Variants in WDFY4 observed in about 807,000 individuals in gnomAD.
The protein encoded by WDFY4 is WD repeat- and FYVE domain-containing protein 4.
WDFY4 carries 169 observed loss-of-function variants against 351.9 expected under a neutral mutation model. That is an observed-to-expected ratio of 0.48 (90% CI 0.42 to 0.55). The LOEUF is 0.55. WDFY4 is among the 20% of genes least tolerant of loss of function. The pLI is 0.00. For synonymous variants in WDFY4, 1,622 were observed against 1,574.6 expected, an observed-to-expected ratio of 1.03 and a Z score of -0.71; for missense variants, 3,803 against 3,935.6, an observed-to-expected ratio of 0.97 and a Z score of 0.90.
At chr10:48,695,736 T>C (rs1488538660) in intron 1 of WDFY4, among the ~76,000 whole-genome samples, 1 of 152,100 alleles carries the variant, frequency 6.6e-6, no homozygotes, top group Non-Finnish European at 1.5e-5. Flanking sequence ...TCTTGTAACC[T>C]GTGCTGTCTC....
intron 5 of WDFY4, among the ~76,000 whole-genome samples, chr10:48,725,353 C>CG (rs1397131150): frequency 1.3e-5 from 2 of 152,004 alleles, no homozygotes; most frequent in Non-Finnish European, 2.9e-5. Flanking sequence ...GGCCATGCTA[C>CG]GGTGGTGGGA....
At chr10:48,722,920 C>CTTG (rs1565129677) in intron 4 of WDFY4, among the ~76,000 whole-genome samples, 1 of 152,168 alleles carries the variant, frequency 6.6e-6, no homozygotes, top group Non-Finnish European at 1.5e-5. Context: ...TCACCTATTG[C>CTTG]ACTCTTTGGA....
Position 48,963,915 on chromosome 10 carries a change from G to A in WDFY4, c.8297G>A (p.Gly2766Glu), listed in dbSNP as rs1277070072. 1 of 1,551,380 alleles carries A rather than the reference G, an allele frequency of 6.4e-7. No individual in the cohort carries two copies. Among genetic ancestry groups the A allele is most frequent in the African/African-American group, 1.4e-5 (1 of 72,980 alleles). ...CTTATTTTTGGGTACAAGCAGCAGG[G>A]GCCAGCCGCAGTGGATGCTGTTAAT... ...IDLIFGYKQQ[G>E]PAAVDAVNIF... The change falls in exon 54 of 62, where the codon GGG (glycine) becomes GAG (glutamate). Residue 2766 changes from glycine to glutamate, a missense_variant. Physicochemically the swap from Gly to Glu is moderately conservative, Grantham distance 98. Coordinates refer to ENST00000325239, the MANE Select transcript of WDFY4 (RefSeq NM_001394531.1).
chr10:48,735,153 T>C (rs938339460), intron 10 of WDFY4, among the ~76,000 whole-genome samples: 5 of 152,220 alleles, frequency 3.3e-5, no homozygotes, highest in East Asian at 1.9e-4. Context: ...TAGCCCATAA[T>C]TGGAAAAATC....
intron 30 of WDFY4, among the ~76,000 whole-genome samples, chr10:48,813,351 C>T (rs2067521229): frequency 6.6e-6 from 1 of 152,180 alleles, no homozygotes; most frequent in Admixed American, 6.5e-5. Context: ...CATTGATACC[C>T]TGAGTTTTTA....
At chr10:48,726,920 C>T (rs1000733601) in intron 6 of WDFY4, among the ~76,000 whole-genome samples, 7 of 152,198 alleles carry the variant, frequency 4.6e-5, no homozygotes, top group Non-Finnish European at 7.3e-5. Context: ...CCCCTGGCTC[C>T]GCACCACTCT....
rs1235745335 is a variant in WDFY4 at position 48,943,012 on chromosome 10, C to CT, written c.7630-317dup. 4.6e-5 allele frequency among the ~76,000 whole-genome samples: 7 copies of CT among 152,200 alleles called. No individual in the cohort carries two copies. In the East Asian group the frequency reaches 1.3e-3, roughly 29 times the overall value. On this transcript the variant is annotated intron_variant, in intron 48 of 61. Coordinates refer to ENST00000325239, the MANE Select transcript of WDFY4 (RefSeq NM_001394531.1). ...AGTCAGTTCACCCACAGCATTTGTG[C>CT]TATGATTTTAGTCAACTTCTGAGAA...
intron 49 of WDFY4, among the ~76,000 whole-genome samples, chr10:48,944,295 G>A (rs1840933609): frequency 1.3e-5 from 2 of 152,242 alleles, no homozygotes; most frequent in Admixed American, 1.3e-4. Context: ...TGTAGTGACA[G>A]GGGAGGTTGA....
rs1347861913 is a variant in WDFY4 at position 48,900,252 on chromosome 10, G to A, written c.7469G>A (p.Gly2490Glu). 6.4e-7 allele frequency: 1 copy of A among 1,551,636 alleles called. No individual in the cohort carries two copies. The highest frequency in any genetic ancestry group is 2.0e-5 in the Admixed American group (1 of 50,988). ...GCCCTGGAGATCTTCTTCCACAATGGATATTCCAAGTTTCTTGTCTTCTAC... is the reference window on the plus strand; with the variant it reads ...GCCCTGGAGATCTTCTTCCACAATGAATATTCCAAGTTTCTTGTCTTCTAC... ...DIALEIFFHN[G>E]YSKFLVFYNN... Residue 2490 changes from glycine to glutamate, a missense_variant, in exon 46 of 62, where the codon GGA becomes GAA. By Grantham distance (98) the Gly-to-Glu change is moderately conservative. Coordinates refer to ENST00000325239, the MANE Select transcript of WDFY4 (RefSeq NM_001394531.1).
In WDFY4 at chr10:48,955,575, TTGCCCCAGTTC is replaced by T. The variant is rs538818547; in HGVS notation, c.7978-1549_7978-1539del. Among the ~76,000 whole-genome samples the T allele has an allele frequency of 3.5e-3, 530 of 152,304 alleles. 3 individuals are homozygous for T. Among genetic ancestry groups the T allele is most frequent in the African/African-American group, 0.012 (517 of 41,526 alleles). ...GCCCTGTGGAGTTGCATCCATGGGT[TTGCCCCAGTTC>T]TGCCATTCACTGCCTTGGGAAAAAT... On this transcript the variant is annotated intron_variant, in intron 51 of 61. Coordinates refer to ENST00000325239, the MANE Select transcript of WDFY4 (RefSeq NM_001394531.1).
intron 1 of WDFY4, among the ~76,000 whole-genome samples, chr10:48,693,465 C>T (rs2063249558): frequency 6.6e-6 from 1 of 152,184 alleles, no homozygotes; most frequent in South Asian, 2.1e-4. Flanking sequence ...AGATGCCATC[C>T]TCCCACCTCC....
chr10:48,977,008 A>G (rs1842597009), intron 59 of WDFY4, 29 bp downstream of exon 59: 3 of 1,328,576 alleles, frequency 2.3e-6, no homozygotes, highest in Non-Finnish European at 2.9e-6. Flanking sequence ...GAATGAGGAC[A>G]TGACACAAGA....
chr10:48,949,836 G>A (rs1024056078), intron 51 of WDFY4, among the ~76,000 whole-genome samples: 1 of 152,152 alleles, frequency 6.6e-6, no homozygotes, highest in African/African-American at 2.4e-5. Context: ...AGGGCTGCGT[G>A]TCTGACTTTG....
intron 6 of WDFY4, among the ~76,000 whole-genome samples, chr10:48,726,493 C>T (rs1327168316): frequency 4.6e-5 from 7 of 152,208 alleles, no homozygotes; most frequent in African/African-American, 1.7e-4. Context: ...AGAGAATGCA[C>T]TTTCAAACTT....
At chr10:48,782,241 C>T (rs1198377284) in intron 19 of WDFY4, among the ~76,000 whole-genome samples, 7 of 152,182 alleles carry the variant, frequency 4.6e-5, no homozygotes. Flanking sequence ...TGTTTAGGCT[C>T]AATTACTGAG....
Position 48,937,083 on chromosome 10 carries a change from G to A in WDFY4, c.7587-4723G>A, listed in dbSNP as rs182382504. Among the ~76,000 whole-genome samples, 5 of 151,986 alleles carry A rather than the reference G, an allele frequency of 3.3e-5. No homozygotes were observed. In the East Asian group the frequency reaches 5.9e-4, roughly 18 times the overall value. On this transcript the variant is annotated intron_variant, in intron 47 of 61. Transcript: ENST00000325239. ...TAATTTTTGTATTTTTAGTAGAGAC[G>A]AGGTTTTTCCATGTTGGCTAGGCTG...
At position 48,731,471 on chromosome 10, in the gene WDFY4, C is replaced by A. The variant is rs1187027035; in HGVS notation, c.1491C>A (p.Asp497Glu). The A allele has an allele frequency of 3.2e-6, 5 of 1,551,564 alleles. No individual in the cohort carries two copies. In the Admixed American group the frequency reaches 7.8e-5, roughly 24 times the overall value. Residue 497 changes from aspartate (D) to glutamate (E), a missense_variant, in exon 9 of 62, where the codon GAC (aspartate) becomes GAA (glutamate). By Grantham distance (45) the Asp-to-Glu change is conservative. Coordinates refer to ENST00000325239, the MANE Select transcript of WDFY4 (RefSeq NM_001394531.1). ...LQSILSIAGG[D>E]PLFTDIFRDS... The stretch of plus-strand genomic sequence containing the variant: ...GCATCCTCAGCATCGCTGGTGGGGA[C>A]CCCCTCTTCACCGACATCTTCCGGG...
intron 12 of WDFY4, among the ~76,000 whole-genome samples, chr10:48,759,612 A>C (rs1325089755): frequency 6.6e-6 from 1 of 152,158 alleles, no homozygotes; most frequent in Admixed American, 6.5e-5. Context: ...GGGGAAACCA[A>C]ACAAAGAAAA....
intron 47 of WDFY4, chr10:48,913,771 C>T (rs760645390): frequency 2.5e-6 from 4 of 1,614,062 alleles, no homozygotes; most frequent in Admixed American, 1.7e-5. Flanking sequence ...TGGTTCAAGC[C>T]TAGGTTCACA....
Sources: gnomAD v4.1 joint callset for allele counts (sites outside exome capture counted in the v4.1 genomes callset) on GRCh38, gnomAD v4.1.1 for gene constraint, MANE v1.5 for transcripts, NCBI Gene and HGNC (gene_info 2026-07-23, HGNC 2026-07-21) for gene names.